The following KCNMA1 variants were observed in gnomAD, a reference collection of about 807,000 sequenced individuals.
KCNMA1 encodes the protein potassium calcium-activated channel subfamily M alpha 1, also known as Calcium-activated potassium channel subunit alpha-1.
In KCNMA1, 29 loss-of-function variants were observed where a neutral mutation model predicts 140.0. The ratio of observed to expected loss-of-function variants is 0.21; its 90% CI spans 0.15 to 0.28. KCNMA1 has a LOEUF of 0.28. Ranked by LOEUF, KCNMA1 falls within the 10% of genes least tolerant of loss-of-function variation. KCNMA1 has a pLI of 1.00. For synonymous variants in KCNMA1, 612 were observed against 611.9 expected (o/e 1.00, Z 0.00); for missense variants, 880 against 1,602.2 (o/e 0.55, Z 7.70).
chr10:77,025,240 G>GTATA (rs1384161555), intron 16 of KCNMA1, among the ~76,000 whole-genome samples: 1,472 of 64,910 alleles, frequency 0.023, 35 homozygotes, highest in Middle Eastern at 0.041. Context: ...AGGGGTGTGT[G>GTATA]TGTATATATA....
chr10:77,409,366 G>A (rs2096568735), intron 1 of KCNMA1, among the ~76,000 whole-genome samples: 1 of 152,196 alleles, frequency 6.6e-6, no homozygotes, highest in Admixed American at 6.5e-5. Flanking sequence ...GAGGCCCAGA[G>A]GGAAAGCCAC....
chr10:76,920,057 CAA>C (rs1491151811), intron 23 of KCNMA1, among the ~76,000 whole-genome samples: 1 of 47,532 alleles, frequency 2.1e-5, no homozygotes, highest in African/African-American at 5.3e-5. Flanking sequence ...TATATACACA[CAA>C]TATTCCTTAT....
intron 2 of KCNMA1, among the ~76,000 whole-genome samples, chr10:77,378,212 C>T (rs923368402): frequency 2.6e-5 from 4 of 152,174 alleles, no homozygotes; most frequent in African/African-American, 7.2e-5. Context: ...CACTGACTCA[C>T]TCATCTGGGT....
intron 2 of KCNMA1, among the ~76,000 whole-genome samples, chr10:77,352,709 G>A (rs2093041683): frequency 6.6e-6 from 1 of 152,086 alleles, no homozygotes; most frequent in South Asian, 2.1e-4. Flanking sequence ...CTGGCCTATG[G>A]CCAGGGTCTA....
At chr10:77,537,897 T>A (rs1305985570) in intron 1 of KCNMA1, among the ~76,000 whole-genome samples, 2 of 152,084 alleles carry the variant, frequency 1.3e-5, no homozygotes, top group African/African-American at 2.4e-5. Context: ...AGGAATGGAA[T>A]GGGCTTCCAC....
chr10:77,086,973 G>A (rs1479159444), intron 10 of KCNMA1, among the ~76,000 whole-genome samples: 1 of 152,238 alleles, frequency 6.6e-6, no homozygotes, highest in Non-Finnish European at 1.5e-5. Flanking sequence ...TGATTTCTGG[G>A]TGTGTCTGGG....
chr10:77,132,346 A>G (rs899271773), intron 5 of KCNMA1, among the ~76,000 whole-genome samples: 3 of 152,176 alleles, frequency 2.0e-5, no homozygotes, highest in Non-Finnish European at 4.4e-5. Flanking sequence ...AGAAAAACTA[A>G]GAGACCCAGA....
intron 1 of KCNMA1, among the ~76,000 whole-genome samples, chr10:77,557,130 G>A (rs942506054): frequency 1.3e-5 from 2 of 152,210 alleles, no homozygotes; most frequent in African/African-American, 4.8e-5. Flanking sequence ...AGAATGCAAG[G>A]AAATTAACTC....
At chr10:77,451,871 A>G (rs929919518) in intron 1 of KCNMA1, among the ~76,000 whole-genome samples, 1 of 152,204 alleles carries the variant, frequency 6.6e-6, no homozygotes, top group African/African-American at 2.4e-5. Flanking sequence ...CACAAAACAT[A>G]TTTGAAATGT....
rs181485376 is a variant in KCNMA1 at position 76,925,022 on chromosome 10, C to A, written c.2903-9973G>T. ...CCTCCCAACCCAGCTCCTGTCGTTT[C>A]TTTACCTCTTCCAGGACGTCTGCCT... On this transcript the variant is annotated intron_variant, in intron 23 of 27. Transcript: ENST00000286628. 4.7e-3 allele frequency among the ~76,000 whole-genome samples: 722 copies of A among 152,186 alleles called. 6 individuals carry two copies. Among genetic ancestry groups the A allele is most frequent in the African/African-American group, 0.017 (687 of 41,532 alleles).
intron 1 of KCNMA1, among the ~76,000 whole-genome samples, chr10:77,420,626 T>C: frequency 6.6e-6 from 1 of 152,190 alleles, no homozygotes. Context: ...TTATATTTCA[T>C]AGCATCTAGC....
At chr10:77,047,169 A>T (rs1456029160) in intron 14 of KCNMA1, among the ~76,000 whole-genome samples, 2 of 152,238 alleles carry the variant, frequency 1.3e-5, no homozygotes, top group Non-Finnish European at 2.9e-5. Flanking sequence ...AATGTCAATT[A>T]AAACAATTTT....
chr10:76,915,703 T>C (rs1184440924), intron 23 of KCNMA1, among the ~76,000 whole-genome samples: 2 of 152,196 alleles, frequency 1.3e-5, no homozygotes, highest in African/African-American at 4.8e-5. Context: ...ATCCTCTTGC[T>C]GGTGAGTGAC....
chr10:77,528,224 AAC>A (rs1446575831), intron 1 of KCNMA1, among the ~76,000 whole-genome samples: 1 of 152,180 alleles, frequency 6.6e-6, no homozygotes, highest in Non-Finnish European at 1.5e-5. Flanking sequence ...GTGGACCTGA[AAC>A]ACATCCTCAA....
At chr10:77,358,586 C>T (rs942006105) in intron 2 of KCNMA1, among the ~76,000 whole-genome samples, 16 of 152,106 alleles carry the variant, frequency 1.1e-4, no homozygotes, top group Admixed American at 7.2e-4. Flanking sequence ...GACCCTCTAA[C>T]GCCTGTCCCA....
At chr10:77,084,593 C>T in intron 12 of KCNMA1, 44 bp downstream of exon 12, 2 of 1,481,164 alleles carry the variant, frequency 1.4e-6, no homozygotes, top group Non-Finnish European at 1.9e-6. Flanking sequence ...TGAACAGCCA[C>T]AGACTGCCAA....
intron 21 of KCNMA1, chr10:76,952,261 C>T: frequency 7.5e-7 from 1 of 1,336,720 alleles, no homozygotes; most frequent in Non-Finnish European, 1.0e-6. Context: ...TGACTCACGC[C>T]TGTAATCCCA....
intron 3 of KCNMA1, among the ~76,000 whole-genome samples, chr10:77,224,544 A>T (rs781723626): frequency 6.6e-6 from 1 of 152,150 alleles, no homozygotes; most frequent in Non-Finnish European, 1.5e-5. Context: ...GCTTCTCACC[A>T]AAACTGAAAA....
chr10:77,628,848 T>C (rs2092851714), intron 1 of KCNMA1, among the ~76,000 whole-genome samples: 1 of 152,002 alleles, frequency 6.6e-6, no homozygotes, highest in South Asian at 2.1e-4. Context: ...CCCTCAGGAA[T>C]GACAGCCACT....
Sources: gnomAD v4.1 joint callset for allele counts (sites outside exome capture counted in the v4.1 genomes callset) on GRCh38, gnomAD v4.1.1 for gene constraint, MANE v1.5 for transcripts, NCBI Gene and HGNC (gene_info 2026-07-23, HGNC 2026-07-21) for gene names.